The following PRCC variants were observed in gnomAD, a reference collection of about 807,000 sequenced individuals.
PRCC encodes proline rich mitotic checkpoint control factor.
In PRCC, 10 loss-of-function variants were observed where a neutral mutation model predicts 44.0. That is an observed-to-expected ratio of 0.23 (90% confidence interval 0.14 to 0.39). PRCC has a LOEUF of 0.39. PRCC is among the 10% of genes least tolerant of loss of function. The pLI, the probability that PRCC is intolerant of heterozygous loss-of-function variation, is 1.00. For synonymous variants in PRCC, 278 were observed against 259.5 expected (o/e 1.07, Z -0.69); for missense variants, 573 against 624.7 (o/e 0.92, Z 0.88).
At position 156,767,683 on chromosome 1, in the gene PRCC, A is replaced by G; in HGVS notation, c.-89A>G. 1.5e-6 allele frequency: 2 copies of G among 1,347,384 alleles called. No homozygotes were observed. The highest frequency in any genetic ancestry group is 9.9e-7 in the Non-Finnish European group (1 of 1,005,912). 83.5% of individuals were successfully genotyped at this position (1,347,384 alleles called of 1,614,324 possible). On this transcript the variant is annotated 5_prime_UTR_variant, in exon 1 of 7. Coordinates refer to ENST00000271526, the MANE Select transcript of PRCC (RefSeq NM_005973.5). ...GGACTTTTCGGTTCCCCGCCCCGCC[A>G]GGTGGCGGGGCCTACTAGGCCTCCG... is the stretch of plus-strand genomic sequence containing the variant.
At chr1:156,800,236 T>C in intron 6 of PRCC, 138 bp from the exon 7 acceptor site, 1 of 692,542 alleles carries the variant, frequency 1.4e-6, no homozygotes, top group Non-Finnish European at 2.4e-6. Context: ...CTTTGATAAG[T>C]CTTTCAAGGG....
intron 1 of PRCC, among the ~76,000 whole-genome samples, chr1:156,775,024 G>A (rs1404210845): frequency 8.6e-5 from 13 of 151,690 alleles, no homozygotes; most frequent in African/African-American, 3.1e-4. Flanking sequence ...TGAGGTGGGC[G>A]GATCACGAGG....
chr1:156,790,680 A>G (rs1652443555), intron 3 of PRCC, among the ~76,000 whole-genome samples: 1 of 152,262 alleles, frequency 6.6e-6, no homozygotes, highest in African/African-American at 2.4e-5. Context: ...AAAATAAAAA[A>G]GATGCTATTT....
chr1:156,768,482 G>A (rs1042345171), intron 1 of PRCC, among the ~76,000 whole-genome samples: 2 of 152,158 alleles, frequency 1.3e-5, no homozygotes, highest in Non-Finnish European at 2.9e-5. Flanking sequence ...ATCATCACCT[G>A]GTACTGACAG....
At chr1:156,774,172 T>C (rs1210780076) in intron 1 of PRCC, among the ~76,000 whole-genome samples, 12 of 107,792 alleles carry the variant, frequency 1.1e-4, no homozygotes, top group South Asian at 3.4e-4. Flanking sequence ...TTTTTTTTTT[T>C]TTTTTTTTTT....
chr1:156,796,360 C>A (rs1652660876), intron 5 of PRCC: 1 of 152,160 alleles, frequency 6.6e-6, no homozygotes, highest in Non-Finnish European at 1.5e-5. Flanking sequence ...TGGTCCTTGT[C>A]CTTGAGGAGT....
Position 156,767,783 on chromosome 1 carries a change from T to A in PRCC, c.12T>A (p.Val4=). The change falls in exon 1 of 7, where the codon GTT becomes GTA. Residue 4 remains valine, a synonymous_variant. Transcript: ENST00000271526. MSL[V]AYASSDESEP... ...ACGCGGGAGGCGCCATGTCGCTGGT[T>A]GCTTACGCCAGCAGCGATGAGAGCG... is the stretch of plus-strand genomic sequence containing the variant. 1 of 1,604,422 alleles carries A rather than the reference T, an allele frequency of 6.2e-7. No homozygotes were observed. The highest frequency in any genetic ancestry group is 8.5e-7 in the Non-Finnish European group (1 of 1,176,982).
In PRCC at chr1:156,786,883, A is replaced by AGAC; in HGVS notation, c.796_798dup (p.Asp266dup). On this transcript the variant is annotated inframe_insertion, in exon 3 of 7. Coordinates refer to ENST00000271526, the MANE Select transcript of PRCC (RefSeq NM_005973.5). ...TGACAAAGCAGATCACGCAGGAAGA[A>AGAC]GACGACAGTGATGAGGAAGTAGCCC... 1 of 1,614,248 alleles carries AGAC rather than the reference A, an allele frequency of 6.2e-7. No homozygotes were observed. The highest frequency in any genetic ancestry group is 8.5e-7 in the Non-Finnish European group (1 of 1,180,050).
intron 5 of PRCC, 103 bp from the exon 6 acceptor site, chr1:156,797,173 C>T: frequency 1.5e-6 from 2 of 1,352,472 alleles, no homozygotes; most frequent in Admixed American, 1.7e-5. Context: ...AGGATTTGGG[C>T]TGTGGAATTG....
At chr1:156,775,020 G>A (rs1470346297) in intron 1 of PRCC, among the ~76,000 whole-genome samples, 4 of 151,470 alleles carry the variant, frequency 2.6e-5, no homozygotes, top group South Asian at 2.1e-4. Flanking sequence ...AGGCTGAGGT[G>A]GGCGGATCAC....
chr1:156,782,231 C>A, intron 1 of PRCC, 51 bp from the exon 2 acceptor site: 2 of 1,502,586 alleles, frequency 1.3e-6, no homozygotes, highest in Admixed American at 1.7e-5. Context: ...TAATGTGTTT[C>A]CTTTACTGTC....
In PRCC at chr1:156,782,425, GAGCAAAC is replaced by G. The variant is rs1372506993; in HGVS notation, c.516+98_516+104del. 143 of 1,161,416 alleles carry G rather than the reference GAGCAAAC, an allele frequency of 1.2e-4. 1 individual carries two copies. The highest frequency in any genetic ancestry group is 1.7e-4 in the Non-Finnish European group (140 of 828,364). 71.9% of individuals were successfully genotyped at this position (1,161,416 alleles called of 1,614,324 possible). A position where few individuals can be genotyped will look rare whatever the true frequency, so the allele number is the denominator to read the frequency against. On this transcript the variant is annotated intron_variant, in intron 2 of 6. Coordinates refer to ENST00000271526, the MANE Select transcript of PRCC (RefSeq NM_005973.5). ...TCCAGCAGTTTTCAGATTAGGCTTA[GAGCAAAC>G]ACAGATATTTGAGGACTATTTAGGT...
chr1:156,788,765 G>A (rs367603971), intron 3 of PRCC, among the ~76,000 whole-genome samples: 112 of 149,024 alleles, frequency 7.5e-4, no homozygotes, highest in African/African-American at 2.6e-3. Context: ...AGGTTCAAGC[G>A]ATTATCCTCC....
chr1:156,767,948 G>C lies in PRCC; in HGVS notation c.177G>C (p.Ala59=), dbSNP rs1651468398. ...ALLPPPPQML[A]PAFPPPLLLP... is the part of the protein sequence containing the mutation. ...TGCCTCCGCCCCCTCAGATGCTGGC[G>C]CCAGCCTTTCCCCCGCCGCTGTTGC... Residue 59 remains alanine, a synonymous_variant, in exon 1 of 7, where the codon GCG becomes GCC. Coordinates refer to ENST00000271526, the MANE Select transcript of PRCC (RefSeq NM_005973.5). 1 of 1,584,780 alleles carries C rather than the reference G, an allele frequency of 6.3e-7. No individual in the cohort carries two copies. The highest frequency in any genetic ancestry group is 1.3e-5 in the African/African-American group (1 of 74,380).
intron 3 of PRCC, among the ~76,000 whole-genome samples, chr1:156,790,559 T>C (rs1436600508): frequency 6.6e-6 from 1 of 152,132 alleles, no homozygotes. Context: ...GGAGGCGAGG[T>C]TGCAGTGAGC....
intron 1 of PRCC, among the ~76,000 whole-genome samples, chr1:156,772,231 G>A (rs1285857240): frequency 6.6e-6 from 1 of 152,134 alleles, no homozygotes; most frequent in African/African-American, 2.4e-5. Flanking sequence ...CCACACCTTG[G>A]TTTTGATTTC....
chr1:156,800,649 T>C lies in PRCC; in HGVS notation c.*189T>C. 1.7e-6 allele frequency: 1 copy of C among 581,510 alleles called. No homozygotes were observed. The highest frequency in any genetic ancestry group is 3.0e-6 in the Non-Finnish European group (1 of 329,470). The allele number at this position is 581,510 out of a possible 1,614,324, so 36.0% of individuals were successfully genotyped here. A position where few individuals can be genotyped will look rare whatever the true frequency, so the allele number is the denominator to read the frequency against. On this transcript the variant is annotated 3_prime_UTR_variant, in exon 7 of 7. Transcript: ENST00000271526. ...AGTTAGAAAATTCAGCTCCTTTCTGTCCTGGAGCTAGCAAAGACTTGTGTG... is the reference window on the plus strand; with the variant it reads ...AGTTAGAAAATTCAGCTCCTTTCTGCCCTGGAGCTAGCAAAGACTTGTGTG...
intron 3 of PRCC, 124 bp from the exon 4 acceptor site, chr1:156,791,573 G>A: frequency 2.5e-6 from 2 of 804,774 alleles, no homozygotes; most frequent in East Asian, 2.7e-5. Flanking sequence ...GTTTGAGGAA[G>A]CTGTAGTATA....
chr1:156,777,641 A>G (rs1424085890), intron 1 of PRCC, among the ~76,000 whole-genome samples: 1 of 152,238 alleles, frequency 6.6e-6, no homozygotes, highest in Non-Finnish European at 1.5e-5. Context: ...AGGCAAGAAT[A>G]TATGTGAAAA....
Sources: gnomAD v4.1 joint callset for allele counts (sites outside exome capture counted in the v4.1 genomes callset) on GRCh38, gnomAD v4.1.1 for gene constraint, MANE v1.5 for transcripts, NCBI Gene and HGNC (gene_info 2026-07-23, HGNC 2026-07-21) for gene names.